Variants in ANKRD36C observed in about 807,000 individuals in gnomAD.
ANKRD36C encodes ankyrin repeat domain-containing protein 36C.
In ANKRD36C, 61 loss-of-function variants were observed where a neutral mutation model predicts 276.4. The observed-to-expected ratio is 0.22, with a 90% confidence interval of 0.18 to 0.27. The LOEUF is 0.27. Among genes scored for constraint, ANKRD36C ranks in the 10% least tolerant of loss-of-function variants. The pLI, the probability that ANKRD36C is intolerant of heterozygous loss-of-function variation, is 1.00. For missense variants in ANKRD36C, 1,447 were observed against 2,032.3 expected (o/e 0.71, Z 5.54); for synonymous variants, 483 against 680.1 (o/e 0.71, Z 4.51).
At position 95,986,543 on chromosome 2, in the gene ANKRD36C, A is replaced by G. The variant is rs1026187426; in HGVS notation, c.486+208T>C. The G allele has an allele frequency of 3.4e-5, 21 of 614,054 alleles. 1 individual carries two copies. The highest frequency in any genetic ancestry group is 2.1e-4 in the Admixed American group (6 of 28,052). 38.0% of individuals were successfully genotyped at this position (614,054 alleles called of 1,614,324 possible). On this transcript the variant is annotated intron_variant, in intron 3 of 66. Transcript: ENST00000456556. ...ATTCATGTTTGTATAATTATTTACC[A>G]TAAGTGCATGAAAAATAGCTGTTCC...
chr2:95,965,056 A>C (rs1678559014), intron 6 of ANKRD36C, among the ~76,000 whole-genome samples: 1 of 151,946 alleles, frequency 6.6e-6, no homozygotes, highest in Non-Finnish European at 1.5e-5. Flanking sequence ...AAAAATGAAG[A>C]ATGGTGTAAT....
chr2:95,895,328 A>G (rs1676504176), intron 44 of ANKRD36C, 71 bp downstream of exon 62: 2 of 490,150 alleles, frequency 4.1e-6, no homozygotes, highest in Admixed American at 7.8e-5. Flanking sequence ...CCAGCCCCCC[A>G]CTGATTTATT....
At chr2:95,987,516 G>A (rs1679053422) in intron 1 of ANKRD36C, among the ~76,000 whole-genome samples, 1 of 150,130 alleles carries the variant, frequency 6.7e-6, no homozygotes, top group South Asian at 2.1e-4. Flanking sequence ...CTGCTGTGAT[G>A]CTTACATAAG....
intron 13 of ANKRD36C, among the ~76,000 whole-genome samples, chr2:95,955,664 A>G (rs1274509773): frequency 6.6e-5 from 10 of 152,086 alleles, no homozygotes; most frequent in Non-Finnish European, 1.5e-5. Flanking sequence ...AAATCACTCA[A>G]TGACAGAATG....
chr2:95,867,718 AT>A, intron 59 of ANKRD36C, 137 bp from the exon 80 acceptor site: 1 of 1,268,906 alleles, frequency 7.9e-7, no homozygotes, highest in Non-Finnish European at 1.1e-6. Context: ...TTTTTAAGCA[AT>A]TTCCTTTATG....
chr2:95,976,770 G>A (rs932683194), intron 6 of ANKRD36C, among the ~76,000 whole-genome samples: 34 of 152,148 alleles, frequency 2.2e-4, no homozygotes, highest in East Asian at 1.9e-3. Context: ...AAAGGGTACC[G>A]CCAAAGAGCT....
chr2:95,938,339 T>C (rs1677774211), intron 22 of ANKRD36C, among the ~76,000 whole-genome samples: 1 of 152,308 alleles, frequency 6.6e-6, no homozygotes, highest in African/African-American at 2.4e-5. Flanking sequence ...TTTTATTCAT[T>C]TTTAATCAGA....
intron 60 of ANKRD36C, 141 bp from the exon 81 acceptor site, chr2:95,860,215 A>T (rs1333542677): frequency 3.0e-6 from 2 of 675,910 alleles, no homozygotes; most frequent in African/African-American, 3.6e-5. Context: ...GGAAGATATT[A>T]TAGTAAGGTC....
At chr2:95,861,638 A>C (rs78888511) in intron 60 of ANKRD36C, among the ~76,000 whole-genome samples, 5 of 152,050 alleles carry the variant, frequency 3.3e-5, no homozygotes, top group Admixed American at 6.6e-5. Context: ...AAATTGAATC[A>C]TAAAAAACAG....
At chr2:95,975,806 C>A (rs1022365131) in intron 6 of ANKRD36C, among the ~76,000 whole-genome samples, 4 of 151,848 alleles carry the variant, frequency 2.6e-5, no homozygotes, top group South Asian at 2.1e-4. Context: ...GAGCTTCTGC[C>A]CATCAAAAGA....
intron 59 of ANKRD36C, among the ~76,000 whole-genome samples, chr2:95,868,519 C>G (rs563352619): frequency 2.2e-4 from 33 of 151,148 alleles, no homozygotes; most frequent in Non-Finnish European, 4.1e-4. Context: ...AAAAATTTTC[C>G]TTGTCTGAGT....
At chr2:95,938,372 C>G (rs1240490137) in intron 22 of ANKRD36C, among the ~76,000 whole-genome samples, 1 of 152,416 alleles carries the variant, frequency 6.6e-6, no homozygotes, top group East Asian at 1.9e-4. Flanking sequence ...CATACACATG[C>G]AGAAACTCAA....
intron 48 of ANKRD36C, 106 bp from the exon 69 acceptor site, chr2:95,888,226 T>G: frequency 6.4e-7 from 1 of 1,558,444 alleles, no homozygotes; most frequent in Non-Finnish European, 8.7e-7. Flanking sequence ...CCTGTATTAG[T>G]ATAGGCTTTG....
At chr2:95,874,848 C>T (rs1266219849) in intron 59 of ANKRD36C, among the ~76,000 whole-genome samples, 1 of 152,208 alleles carries the variant, frequency 6.6e-6, no homozygotes, top group African/African-American at 2.4e-5. Context: ...AAACAAACAA[C>T]CCCATCAAAA....
At chr2:95,902,074 C>T (rs1169732862) in intron 42 of ANKRD36C, among the ~76,000 whole-genome samples, 1 of 148,010 alleles carries the variant, frequency 6.8e-6, no homozygotes, top group Non-Finnish European at 1.5e-5. Context: ...TTGGGAGTAT[C>T]GTGTTATTCT....
intron 42 of ANKRD36C, 131 bp from the exon 47 acceptor site, chr2:95,908,828 G>C (rs1676824961): frequency 6.8e-7 from 1 of 1,475,860 alleles, no homozygotes; most frequent in Non-Finnish European, 9.2e-7. Context: ...CTTCTACTTT[G>C]TGTCTGGGGA....
chr2:95,918,451 TACAA>T (rs746704463), intron 34 of ANKRD36C, among the ~76,000 whole-genome samples: 25 of 151,650 alleles, frequency 1.6e-4, no homozygotes, highest in Non-Finnish European at 3.1e-4. Flanking sequence ...ACCATTATAC[TACAA>T]ACATTCATCA....
chr2:95,897,145 G>C (rs1676576057), intron 44 of ANKRD36C, 125 bp downstream of exon 60: 36 of 1,096,196 alleles, frequency 3.3e-5, no homozygotes, highest in Non-Finnish European at 4.6e-5. Flanking sequence ...TATTTGAAAT[G>C]AAGAATCTCA....
chr2:95,879,891 T>C (rs2104319953), intron 58 of ANKRD36C, among the ~76,000 whole-genome samples: 1 of 144,704 alleles, frequency 6.9e-6, no homozygotes, highest in South Asian at 2.3e-4. Context: ...TAAAACCTTA[T>C]ATTTTTAGGC....
Sources: allele counts gnomAD v4.1 joint callset (sites outside exome capture counted in the v4.1 genomes callset), GRCh38; gene constraint gnomAD v4.1.1; transcripts MANE v1.5; gene names NCBI Gene and HGNC (gene_info 2026-07-23, HGNC 2026-07-21).